ECPAS: variants seen among roughly 807,000 people sequenced by gnomAD.
The protein encoded by ECPAS is Ecm29 proteasome adaptor and scaffold, also known as proteasome adapter and scaffold protein ECM29.
ECPAS carries 70 observed loss-of-function variants against 255.1 expected under a neutral mutation model. That is an observed-to-expected ratio of 0.27 (90% CI 0.23 to 0.33). The LOEUF (loss-of-function observed/expected upper bound fraction) is 0.33. ECPAS is among the 10% of genes least tolerant of loss of function. ECPAS has a pLI of 1.00. For synonymous variants in ECPAS, 784 were observed against 775.0 expected, an observed-to-expected ratio of 1.01 and a Z score of -0.19; for missense variants, 1,817 against 2,206.4, an observed-to-expected ratio of 0.82 and a Z score of 3.54.
chr9:111,453,457 T>C (rs560479143), intron 2 of ECPAS, among the ~76,000 whole-genome samples: 2 of 152,006 alleles, frequency 1.3e-5, no homozygotes, highest in East Asian at 2.0e-4. Context: ...ATTTTTCTTA[T>C]AGGAAGAATT....
At chr9:111,476,302 C>A (rs762351338) in intron 1 of ECPAS, among the ~76,000 whole-genome samples, 2 of 152,204 alleles carry the variant, frequency 1.3e-5, no homozygotes, top group Non-Finnish European at 2.9e-5. Context: ...AATCTCTCAA[C>A]CCACTCCTGA....
chr9:111,444,637 A>G (rs1023381597), intron 3 of ECPAS, 143 bp from the exon 4 acceptor site: 11 of 630,444 alleles, frequency 1.7e-5, no homozygotes, highest in Non-Finnish European at 2.5e-5. Flanking sequence ...TACATCCCAG[A>G]AAGGGAGTAT....
intron 12 of ECPAS, 138 bp downstream of exon 12, chr9:111,425,280 G>T (rs1450372087): frequency 1.6e-5 from 9 of 549,240 alleles, no homozygotes; most frequent in East Asian, 6.7e-5. Context: ...TCTGAAATTT[G>T]TACTATTTCA....
intron 15 of ECPAS, among the ~76,000 whole-genome samples, chr9:111,421,423 G>GTGTGTA (rs1188651728): frequency 2.2e-4 from 33 of 150,414 alleles, no homozygotes; most frequent in African/African-American, 8.1e-4. Flanking sequence ...GTGTGTGTGT[G>GTGTGTA]TGTGTGTGTG....
chr9:111,443,280 T>G (rs2098248339), intron 4 of ECPAS, among the ~76,000 whole-genome samples: 2 of 152,176 alleles, frequency 1.3e-5, no homozygotes, highest in Non-Finnish European at 2.9e-5. Flanking sequence ...AGACAGAGTC[T>G]CGCTCTGTCA....
chr9:111,455,736 T>C lies in ECPAS; in HGVS notation c.23-4181A>G, dbSNP rs528367731. On this transcript the variant is annotated intron_variant, in intron 2 of 49. Coordinates refer to ENST00000684092, the MANE Select transcript of ECPAS (RefSeq NM_001364929.1). ...ATAAAAACCTGAGGCACTGAGTCTC[T>C]GATGACCATCTCTGGTGGATACCAT... 3.9e-5 allele frequency among the ~76,000 whole-genome samples: 6 copies of C among 152,334 alleles called. No homozygotes were observed. The South Asian group carries it at 1.2e-3, about 32-fold the overall frequency.
At chr9:111,484,045 G>T in intron 1 of ECPAS, 71 bp downstream of exon 1, 1 of 1,082,012 alleles carries the variant, frequency 9.2e-7, no homozygotes, top group Non-Finnish European at 1.1e-6. Context: ...GGCCTGTGCG[G>T]GCGGCCCGGC....
chr9:111,449,144 T>A (rs1357120887), intron 3 of ECPAS, among the ~76,000 whole-genome samples: 1 of 152,110 alleles, frequency 6.6e-6, no homozygotes, highest in African/African-American at 2.4e-5. Context: ...TTAGCACTTT[T>A]CTTGACACAT....
At chr9:111,383,484 G>A (rs1184022580) in intron 34 of ECPAS, among the ~76,000 whole-genome samples, 152 bp from the exon 35 acceptor site, 3 of 152,190 alleles carry the variant, frequency 2.0e-5, no homozygotes, top group East Asian at 1.9e-4. Context: ...GAATGAGATC[G>A]GAGATTGAGT....
chr9:111,451,454 A>C lies in ECPAS; in HGVS notation c.124T>G (p.Ser42Ala). ...KFLPPVLLKL[S>A]STQEGVRKKV... ...TTACGTACTCCTTCTTGGGTGCTAG[A>C]GAGTTTGAGCAAAACAGGAGGAAGG... Residue 42 changes from serine to alanine, a missense_variant, in exon 3 of 50, where the codon TCT (serine) becomes GCT (alanine). Ser to Ala is a moderately conservative substitution (Grantham distance 99, BLOSUM62 1). Coordinates refer to ENST00000684092, the MANE Select transcript of ECPAS (RefSeq NM_001364929.1). 6.3e-7 allele frequency: 1 copy of C among 1,575,206 alleles called. No homozygotes were observed. The highest frequency in any genetic ancestry group is 1.2e-5 in the South Asian group (1 of 85,466).
chr9:111,382,497 A>G (rs1226495101), intron 35 of ECPAS, among the ~76,000 whole-genome samples: 1 of 151,506 alleles, frequency 6.6e-6, no homozygotes, highest in Non-Finnish European at 1.5e-5. Flanking sequence ...CAAACTCCCA[A>G]CCTCAAGTGA....
chr9:111,450,598 G>A (rs2098259101), intron 3 of ECPAS, among the ~76,000 whole-genome samples: 5 of 152,114 alleles, frequency 3.3e-5, no homozygotes, highest in Admixed American at 3.3e-4. Context: ...TACAAATCAA[G>A]GGGGAAATGT....
At chr9:111,442,045 C>T (rs1283376206) in intron 5 of ECPAS, among the ~76,000 whole-genome samples, 3 of 152,178 alleles carry the variant, frequency 2.0e-5, no homozygotes, top group African/African-American at 7.2e-5. Flanking sequence ...AAATTAACTG[C>T]TTCAAGATAA....
chr9:111,437,843 C>T (rs903861448), intron 6 of ECPAS, among the ~76,000 whole-genome samples: 7 of 152,090 alleles, frequency 4.6e-5, no homozygotes, highest in Admixed American at 3.9e-4. Flanking sequence ...ACTGGTATTA[C>T]TCATCTACAA....
intron 10 of ECPAS, among the ~76,000 whole-genome samples, chr9:111,426,838 C>T (rs1218567356): frequency 6.6e-6 from 1 of 151,958 alleles, no homozygotes; most frequent in Non-Finnish European, 1.5e-5. Flanking sequence ...CATGGTGGCA[C>T]ATGCCTGTAG....
intron 38 of ECPAS, among the ~76,000 whole-genome samples, chr9:111,374,302 T>G (rs2131522693): frequency 6.6e-6 from 1 of 152,304 alleles, no homozygotes; most frequent in Middle Eastern, 3.4e-3. Context: ...AAATATGTCA[T>G]CTTGTCCATC....
intron 29 of ECPAS, among the ~76,000 whole-genome samples, chr9:111,390,670 A>G (rs2098158286): frequency 6.6e-6 from 1 of 152,248 alleles, no homozygotes; most frequent in Non-Finnish European, 1.5e-5. Context: ...GGGAACGTCA[A>G]CGATGGAACA....
At chr9:111,416,142 C>T (rs1162277971) in intron 18 of ECPAS, 130 bp downstream of exon 18, 5 of 594,212 alleles carry the variant, frequency 8.4e-6, no homozygotes, top group South Asian at 7.6e-5. Flanking sequence ...ATAAACAACC[C>T]GATGAAGAAC....
chr9:111,426,259 G>T (rs2098221409), intron 10 of ECPAS, among the ~76,000 whole-genome samples: 1 of 151,520 alleles, frequency 6.6e-6, no homozygotes. Flanking sequence ...AAGGCAAAAA[G>T]ATCATGCAGA....
Sources: gnomAD v4.1 joint callset for allele counts (sites outside exome capture counted in the v4.1 genomes callset) on GRCh38, gnomAD v4.1.1 for gene constraint, MANE v1.5 for transcripts, NCBI Gene and HGNC (gene_info 2026-07-23, HGNC 2026-07-21) for gene names.